Variants in SLC25A31 observed in about 807,000 individuals in gnomAD.
The protein encoded by SLC25A31 is solute carrier family 25 member 31.
SLC25A31 carries 40 observed loss-of-function variants against 36.2 expected under a neutral mutation model. That is an observed-to-expected ratio of 1.10 (90% CI 0.86 to 1.44). The LOEUF (loss-of-function observed/expected upper bound fraction) is 1.44, where lower values mean the gene tolerates loss of function less well. SLC25A31 is among the 40% of genes most tolerant of loss of function. The pLI, the probability that SLC25A31 is intolerant of heterozygous loss-of-function variation, is 0.00. For synonymous variants in SLC25A31, 143 were observed against 149.7 expected (o/e 0.96, Z 0.32); for missense variants, 350 against 397.1 (o/e 0.88, Z 1.01).
chr4:127,738,312 A>G (rs1731670390), intron 1 of SLC25A31, among the ~76,000 whole-genome samples: 1 of 152,134 alleles, frequency 6.6e-6, no homozygotes, highest in African/African-American at 2.4e-5. Context: ...GCTGGTCTCA[A>G]ATTAAGCTCA....
Position 127,760,940 on chromosome 4 carries a change from C to CG in SLC25A31, c.361-3297dup, listed in dbSNP as rs913709985. On this transcript the variant is annotated intron_variant, in intron 2 of 5. Coordinates refer to ENST00000281154, the MANE Select transcript of SLC25A31 (RefSeq NM_031291.4). ...TGTAGTCCCAGCACTCCAGCCTGGG[C>CG]GGGGGGAAAACACCAATATAGTAAT... Among the ~76,000 whole-genome samples the CG allele has an allele frequency of 2.6e-5, 4 of 152,196 alleles. No homozygotes were observed. The South Asian group carries it at 8.3e-4, about 32-fold the overall frequency.
intron 2 of SLC25A31, among the ~76,000 whole-genome samples, chr4:127,745,575 C>T (rs1318030008): frequency 6.6e-6 from 1 of 152,102 alleles, no homozygotes; most frequent in Admixed American, 6.6e-5. Flanking sequence ...TTCTTAAAAG[C>T]AAGTCTTTGT....
Position 127,764,290 on chromosome 4 carries a change from G to A in SLC25A31, c.408G>A (p.Gly136=). ...LANLASGGAA[G]ATSLCVVYPL... Reference sequence around the variant, plus strand: ...ACCTGGCTTCTGGTGGAGCTGCTGGGGCAACATCCTTATGTGTAGTATATC... The same window carrying A: ...ACCTGGCTTCTGGTGGAGCTGCTGGAGCAACATCCTTATGTGTAGTATATC... Residue 136 remains glycine, a synonymous_variant, in exon 3 of 6, where the codon GGG becomes GGA. Transcript: ENST00000281154. 1 of 1,613,824 alleles carries A rather than the reference G, an allele frequency of 6.2e-7. No homozygotes were observed. Among genetic ancestry groups the A allele is most frequent in the Non-Finnish European group, 8.5e-7 (1 of 1,179,882 alleles).
At chr4:127,737,575 G>A (rs144784779) in intron 1 of SLC25A31, among the ~76,000 whole-genome samples, 193 of 150,044 alleles carry the variant, frequency 1.3e-3, no homozygotes, top group African/African-American at 4.4e-3. Flanking sequence ...TTTTCTTTTA[G>A]ATAGGGTCCT....
chr4:127,732,379 C>G (rs957196642), intron 1 of SLC25A31, among the ~76,000 whole-genome samples: 3 of 152,170 alleles, frequency 2.0e-5, no homozygotes, highest in African/African-American at 7.2e-5. Flanking sequence ...TCAGGTCTTT[C>G]ATAGTTTGCC....
At chr4:127,761,778 T>C (rs1462633087) in intron 2 of SLC25A31, among the ~76,000 whole-genome samples, 1 of 152,190 alleles carries the variant, frequency 6.6e-6, no homozygotes, top group Non-Finnish European at 1.5e-5. Flanking sequence ...GATCTATAGC[T>C]TTAAACAGTC....
chr4:127,754,540 A>T (rs199685064), intron 2 of SLC25A31, among the ~76,000 whole-genome samples: 4,896 of 147,126 alleles, frequency 0.033, 292 homozygotes, highest in East Asian at 0.26. Context: ...ATAGCTTTAA[A>T]AAAAAAAAAA....
In SLC25A31 at chr4:127,768,880, A is replaced by G. The variant is rs747295879; in HGVS notation, c.759+3A>G. On this transcript the variant is annotated splice_donor_region_variant and intron_variant, in intron 5 of 5. Coordinates refer to ENST00000281154, the MANE Select transcript of SLC25A31 (RefSeq NM_031291.4). The stretch of plus-strand genomic sequence containing the variant: ...TTAGAAGACGTATGATGATGCAGGT[A>G]TTTTATGTTATTGTTTCTAAGCTTA... The G allele has an allele frequency of 3.2e-6, 5 of 1,585,386 alleles. No individual in the cohort carries two copies. The highest frequency in any genetic ancestry group is 3.4e-6 in the Non-Finnish European group (4 of 1,170,812).
chr4:127,743,760 A>G, intron 1 of SLC25A31, among the ~76,000 whole-genome samples: 1 of 152,192 alleles, frequency 6.6e-6, no homozygotes, highest in African/African-American at 2.4e-5. Flanking sequence ...TTACTTATTT[A>G]ACAAATAATT....
chr4:127,767,673 G>A (rs3816588), intron 4 of SLC25A31, among the ~76,000 whole-genome samples: 100,187 of 151,490 alleles, frequency 0.66, 33,661 homozygotes, highest in Middle Eastern at 0.8. Flanking sequence ...ACCGGATACT[G>A]TTAGATTCTG....
chr4:127,749,060 ATGAAAT>A (rs1731874084), intron 2 of SLC25A31, among the ~76,000 whole-genome samples: 1 of 152,030 alleles, frequency 6.6e-6, no homozygotes, highest in Admixed American at 6.5e-5. Flanking sequence ...AACTTTAATA[ATGAAAT>A]TGAAACCATT....
chr4:127,769,120 G>C (rs1018927615), intron 5 of SLC25A31, among the ~76,000 whole-genome samples: 2 of 152,090 alleles, frequency 1.3e-5, no homozygotes, highest in African/African-American at 4.8e-5. Flanking sequence ...AGCATATATT[G>C]CTTGGAAGGT....
chr4:127,735,424 A>G (rs1731605497), intron 1 of SLC25A31, among the ~76,000 whole-genome samples: 1 of 152,150 alleles, frequency 6.6e-6, no homozygotes, highest in Non-Finnish European at 1.5e-5. Flanking sequence ...CCCTATCTAA[A>G]TAGCCTTTTA....
At chr4:127,741,345 A>T (rs1731728514) in intron 1 of SLC25A31, among the ~76,000 whole-genome samples, 1 of 152,174 alleles carries the variant, frequency 6.6e-6, no homozygotes, top group Admixed American at 6.5e-5. Flanking sequence ...TGAGTATGTT[A>T]TCTGTGAGCT....
chr4:127,766,011 G>A (rs1732233470), intron 3 of SLC25A31, among the ~76,000 whole-genome samples: 2 of 152,120 alleles, frequency 1.3e-5, no homozygotes, highest in African/African-American at 2.4e-5. Flanking sequence ...GGAATTCTTG[G>A]TCAAGGGAAA....
chr4:127,733,161 G>GA (rs1731561505), intron 1 of SLC25A31, among the ~76,000 whole-genome samples: 1 of 152,048 alleles, frequency 6.6e-6, no homozygotes, highest in African/African-American at 2.4e-5. Flanking sequence ...TAAGGAAGTA[G>GA]AAAAAAGATC....
chr4:127,755,025 C>G (rs1312151725), intron 2 of SLC25A31, among the ~76,000 whole-genome samples: 1 of 152,042 alleles, frequency 6.6e-6, no homozygotes, highest in Non-Finnish European at 1.5e-5. Context: ...GACAAAGAAG[C>G]CAAGAACACA....
chr4:127,749,816 G>C (rs1731895101), intron 2 of SLC25A31, among the ~76,000 whole-genome samples: 1 of 151,896 alleles, frequency 6.6e-6, no homozygotes, highest in African/African-American at 2.4e-5. Flanking sequence ...TGGGATGATT[G>C]CTTGAAGCCA....
chr4:127,759,786 C>T (rs1326609568), intron 2 of SLC25A31, among the ~76,000 whole-genome samples: 1 of 152,094 alleles, frequency 6.6e-6, no homozygotes, highest in Non-Finnish European at 1.5e-5. Context: ...TTGAATTGTA[C>T]ACTTAAAATA....
Sources: gnomAD v4.1 joint callset for allele counts (sites outside exome capture counted in the v4.1 genomes callset) on GRCh38, gnomAD v4.1.1 for gene constraint, MANE v1.5 for transcripts, NCBI Gene and HGNC (gene_info 2026-07-23, HGNC 2026-07-21) for gene names.